UVSSA: variants seen among roughly 807,000 people sequenced by gnomAD.
UVSSA encodes UV stimulated scaffold protein A.
A neutral mutation model predicts 73.9 loss-of-function variants in UVSSA; 72 were observed. The ratio of observed to expected loss-of-function variants is 0.97; its 90% CI spans 0.81 to 1.19. UVSSA has a LOEUF of 1.19. Ranked by LOEUF, UVSSA falls within the 50% of genes most tolerant of loss-of-function variation. The pLI is 0.00. For synonymous variants in UVSSA, 454 were observed against 391.3 expected (o/e 1.16, Z -1.89); for missense variants, 1,150 against 965.0 (o/e 1.19, Z -2.54).
downstream of UVSSA, chr4:1,391,158 C>G (rs1301669022): frequency 2.3e-4 from 29 of 125,580 alleles, no homozygotes; most frequent in African/African-American, 4.7e-4. Context: ...TGATTGGTTT[C>G]TAGTGTTGTA....
upstream of UVSSA, among the ~76,000 whole-genome samples, chr4:1,345,841 G>A (rs1292089040): frequency 6.6e-6 from 1 of 151,950 alleles, no homozygotes; most frequent in Non-Finnish European, 1.5e-5. Context: ...TGGGAGAAAC[G>A]GCACCCTTTT....
At chr4:1,379,577 C>T (rs566255586) in intron 10 of UVSSA, among the ~76,000 whole-genome samples, 1 of 152,236 alleles carries the variant, frequency 6.6e-6, no homozygotes, top group African/African-American at 2.4e-5. Context: ...GCCTTCACTC[C>T]TTCTCCTGGG....
At position 1,352,298 on chromosome 4, in the gene UVSSA, G is replaced by T. The variant is rs561352096; in HGVS notation, c.550+463G>T. On this transcript the variant is annotated intron_variant, in intron 4 of 13. Coordinates refer to ENST00000389851, the MANE Select transcript of UVSSA (RefSeq NM_020894.4). ...CCTCCTGAGACACCTCCTGATGTGGGCGGAGGCACGGCCCTGTGTCTTCAG... is the reference window on the plus strand; with the variant it reads ...CCTCCTGAGACACCTCCTGATGTGGTCGGAGGCACGGCCCTGTGTCTTCAG... 8.5e-4 allele frequency among the ~76,000 whole-genome samples: 129 copies of T among 152,348 alleles called. 1 individual carries two copies. The highest frequency in any genetic ancestry group is 3.1e-3 in the African/African-American group (128 of 41,580).
intron 7 of UVSSA, among the ~76,000 whole-genome samples, chr4:1,360,132 G>A (rs1007852434): frequency 1.2e-4 from 18 of 152,334 alleles, no homozygotes; most frequent in African/African-American, 2.9e-4. Context: ...CCATCACGCC[G>A]AAGGCCAAGC....
chr4:1,354,333 G>A lies in UVSSA; in HGVS notation c.935-402G>A, dbSNP rs140393547. Among the ~76,000 whole-genome samples the A allele has an allele frequency of 1.1e-3, 170 of 152,094 alleles. 1 individual carries two copies. Among genetic ancestry groups the A allele is most frequent in the Non-Finnish European group, 2.0e-3 (134 of 67,960 alleles). On this transcript the variant is annotated intron_variant, in intron 5 of 13. Transcript: ENST00000389851. The stretch of plus-strand genomic sequence containing the variant: ...AGTTGGGGTGTCCAGCGGAGGAGAG[G>A]CCGGGGGGGTGGGGGCTGGTGAGGC...
At chr4:1,380,273 C>G (rs777653961) in intron 11 of UVSSA, 43 bp downstream of exon 11, 8 of 1,578,450 alleles carry the variant, frequency 5.1e-6, no homozygotes, top group Non-Finnish European at 6.9e-6. Flanking sequence ...TGGGCTGGAC[C>G]AGGTGGGGCA....
intron 7 of UVSSA, among the ~76,000 whole-genome samples, chr4:1,360,397 AC>A (rs979845359): frequency 6.6e-6 from 1 of 152,116 alleles, no homozygotes; most frequent in Non-Finnish European, 1.5e-5. Flanking sequence ...CCATGCTGTT[AC>A]CCCTTTCGTT....
intron 7 of UVSSA, among the ~76,000 whole-genome samples, chr4:1,361,072 T>C (rs1199636465): frequency 2.0e-5 from 3 of 152,230 alleles, no homozygotes; most frequent in Non-Finnish European, 4.4e-5. Context: ...CCGCATCTGG[T>C]CGACAGATGT....
chr4:1,390,439 C>T (rs2109332801), downstream of UVSSA: 1 of 152,192 alleles, frequency 6.6e-6, no homozygotes, highest in East Asian at 1.9e-4. Flanking sequence ...GCCACCAAGC[C>T]TGGCTAAATT....
chr4:1,366,857 C>T (rs529298721), intron 8 of UVSSA, among the ~76,000 whole-genome samples: 1 of 152,338 alleles, frequency 6.6e-6, no homozygotes, highest in South Asian at 2.1e-4. Context: ...GCAGGTCTCT[C>T]CCTCTGTGCC....
At chr4:1,348,611 G>T (rs1714111027) in intron 2 of UVSSA, among the ~76,000 whole-genome samples, 1 of 152,220 alleles carries the variant, frequency 6.6e-6, no homozygotes, top group Admixed American at 6.5e-5. Context: ...AACGCCGGAG[G>T]GGATCTCTGC....
At position 1,353,016 on chromosome 4, in the gene UVSSA, T is replaced by C; in HGVS notation, c.551-14T>C. ...CACATAGCGCAGCAAACAGGTGTCT[T>C]GATCTTCCGGCAGAAATGTCTGGAG... is the stretch of plus-strand genomic sequence containing the variant. On this transcript the variant is annotated splice_polypyrimidine_tract_variant and intron_variant, in intron 4 of 13. Coordinates refer to ENST00000389851, the MANE Select transcript of UVSSA (RefSeq NM_020894.4). 6.3e-7 allele frequency: 1 copy of C among 1,599,402 alleles called. No individual in the cohort carries two copies. The highest frequency in any genetic ancestry group is 8.5e-7 in the Non-Finnish European group (1 of 1,172,402).
chr4:1,385,421 C>T (rs976976490), intron 13 of UVSSA: 18 of 210,688 alleles, frequency 8.5e-5, no homozygotes, highest in East Asian at 4.9e-4. Context: ...CCCGTGCCCC[C>T]CCTGCTGCAG....
intron 7 of UVSSA, chr4:1,359,317 C>T (rs968082941): frequency 1.3e-5 from 2 of 152,290 alleles, no homozygotes; most frequent in African/African-American, 2.4e-5. Flanking sequence ...CAATGTGCAG[C>T]GTCATTTGGT....
intron 10 of UVSSA, among the ~76,000 whole-genome samples, chr4:1,378,436 C>T (rs1488924550): frequency 6.6e-6 from 1 of 152,192 alleles, no homozygotes; most frequent in Non-Finnish European, 1.5e-5. Context: ...GCCTGTAATC[C>T]CAGCTACTCG....
intron 2 of UVSSA, 52 bp from the exon 3 acceptor site, chr4:1,349,472 C>T (rs376857720): frequency 2.2e-5 from 34 of 1,556,198 alleles, no homozygotes; most frequent in African/African-American, 8.1e-5. Context: ...AGTCTCCCCC[C>T]GCCCATCCTC....
At chr4:1,348,222 T>C (rs901113307) in intron 2 of UVSSA, 33 bp downstream of exon 2, 6 of 1,539,676 alleles carry the variant, frequency 3.9e-6, no homozygotes, top group Non-Finnish European at 5.4e-6. Context: ...AGTAACTGAC[T>C]GGCCCACTGA....
At chr4:1,381,390 C>T (rs922795523) in intron 12 of UVSSA, among the ~76,000 whole-genome samples, 4 of 152,230 alleles carry the variant, frequency 2.6e-5, no homozygotes, top group Non-Finnish European at 5.9e-5. Context: ...TCAGCCATAC[C>T]CCGCACCTGC....
At chr4:1,372,833 G>GTCCCTGCACTCACGTCCCGCA (rs1718281571) in intron 8 of UVSSA, among the ~76,000 whole-genome samples, 1 of 26,298 alleles carries the variant, frequency 3.8e-5, no homozygotes, top group Admixed American at 5.0e-4. Context: ...CACCTCCCGC[G>GTCCCTGCACTCACGTCCCGCA]TCTCAGGGCA....
Sources: allele counts gnomAD v4.1 joint callset (sites outside exome capture counted in the v4.1 genomes callset), GRCh38; gene constraint gnomAD v4.1.1; transcripts MANE v1.5; gene names NCBI Gene and HGNC (gene_info 2026-07-23, HGNC 2026-07-21).